PTCHD4: variants seen among roughly 807,000 people sequenced by gnomAD.
PTCHD4 encodes patched domain-containing protein 4.
Under a neutral mutation model 58.1 loss-of-function variants are expected in PTCHD4, and 33 were observed. The ratio of observed to expected loss-of-function variants is 0.57; its 90% CI spans 0.43 to 0.76. The LOEUF (loss-of-function observed/expected upper bound fraction) is 0.76. Ranked by LOEUF, PTCHD4 falls within the 30% of genes least tolerant of loss-of-function variation. PTCHD4 has a pLI of 0.00. For missense variants in PTCHD4, 1,058 were observed against 1,027.1 expected, an observed-to-expected ratio of 1.03 and a Z score of -0.41; for synonymous variants, 478 against 409.6, an observed-to-expected ratio of 1.17 and a Z score of -2.02.
At chr6:48,045,648 A>G (rs1445214634) in intron 3 of PTCHD4, among the ~76,000 whole-genome samples, 1 of 151,862 alleles carries the variant, frequency 6.6e-6, no homozygotes, top group Non-Finnish European at 1.5e-5. Context: ...TATTTCCTGT[A>G]ATTATCCCCA....
At chr6:48,105,401 T>C (rs2113917200) in intron 1 of PTCHD4, among the ~76,000 whole-genome samples, 1 of 152,146 alleles carries the variant, frequency 6.6e-6, no homozygotes, top group South Asian at 2.1e-4. Context: ...TTGAAACCAA[T>C]GAGAACAAAG....
At chr6:48,063,548 C>T (rs1764701951) in intron 3 of PTCHD4, among the ~76,000 whole-genome samples, 1 of 152,128 alleles carries the variant, frequency 6.6e-6, no homozygotes, top group Non-Finnish European at 1.5e-5. Context: ...GATTTAAATC[C>T]AAGCTCCAGC....
intron 3 of PTCHD4, among the ~76,000 whole-genome samples, chr6:48,046,897 T>C (rs1338930207): frequency 1.3e-5 from 2 of 151,856 alleles, no homozygotes; most frequent in Non-Finnish European, 2.9e-5. Context: ...GATCAGGTTA[T>C]ATTCCTAACT....
intron 4 of PTCHD4, among the ~76,000 whole-genome samples, chr6:47,897,467 GC>G (rs1764560627): frequency 6.6e-6 from 1 of 152,152 alleles, no homozygotes; most frequent in Non-Finnish European, 1.5e-5. Flanking sequence ...TTGGTCTCTG[GC>G]ATTCTGTCTC....
rs898460641 is a variant in PTCHD4, at chr6:48,098,957, C to A, written c.-970+12092G>T. 3.3e-5 allele frequency among the ~76,000 whole-genome samples: 5 copies of A among 152,126 alleles called. No individual in the cohort carries two copies. In the East Asian group the frequency reaches 7.7e-4, roughly 23 times the overall value. ...TTGTATCTTAATTTTTTTTTGAAGA[C>A]TTAAGTACCTAGACACAGATTCCTT... On this transcript the variant is annotated intron_variant, in intron 1 of 4. Coordinates refer to ENST00000339488, the MANE Select transcript of PTCHD4 (RefSeq NM_001384253.1).
intron 4 of PTCHD4, among the ~76,000 whole-genome samples, chr6:47,917,280 C>A (rs9369755): frequency 0.62 from 93,532 of 151,362 alleles, 29,819 homozygotes; most frequent in East Asian, 0.78. Context: ...TTGAAATTCC[C>A]ATGCCACAAA....
chr6:47,990,985 T>C (rs1408715798), intron 4 of PTCHD4, among the ~76,000 whole-genome samples: 1 of 152,080 alleles, frequency 6.6e-6, no homozygotes, highest in African/African-American at 2.4e-5. Flanking sequence ...TTTCACAATG[T>C]AGCACAGAGA....
chr6:47,911,581 C>G (rs549293183), intron 4 of PTCHD4, among the ~76,000 whole-genome samples: 2 of 152,180 alleles, frequency 1.3e-5, no homozygotes, highest in African/African-American at 4.8e-5. Context: ...AGGTTTTGAG[C>G]CTTGGCAACC....
intron 1 of PTCHD4, among the ~76,000 whole-genome samples, chr6:48,075,679 A>T (rs1219921657): frequency 6.6e-6 from 1 of 152,354 alleles, no homozygotes; most frequent in South Asian, 2.1e-4. Context: ...GCATATAAAA[A>T]TTATCTTTAT....
chr6:48,020,275 G>T (rs1761174441), intron 3 of PTCHD4, among the ~76,000 whole-genome samples: 1 of 151,968 alleles, frequency 6.6e-6, no homozygotes, highest in Admixed American at 6.6e-5. Context: ...TAAAAAAGAG[G>T]TTTTTCAGAT....
chr6:48,044,662 C>T (rs900530585), intron 3 of PTCHD4, among the ~76,000 whole-genome samples: 3 of 151,850 alleles, frequency 2.0e-5, no homozygotes, highest in African/African-American at 7.2e-5. Flanking sequence ...ATGCAGTTTA[C>T]TGACACTTGG....
In PTCHD4 at chr6:48,109,413, A is replaced by G. The variant is rs576794993; in HGVS notation, c.-970+1636T>C. ...ATAACCAAGTATTTATCTTAAGACG[A>G]CAAATACCGTTCATCATTTAAACAT... is the stretch of plus-strand genomic sequence containing the variant. On this transcript the variant is annotated intron_variant, in intron 1 of 4. Coordinates refer to ENST00000339488, the MANE Select transcript of PTCHD4 (RefSeq NM_001384253.1). 1.4e-4 allele frequency among the ~76,000 whole-genome samples: 21 copies of G among 152,284 alleles called. No homozygotes were observed. In the South Asian group the frequency reaches 3.1e-3, roughly 23 times the overall value.
chr6:48,068,911 C>G lies in PTCHD4; in HGVS notation c.5+42G>C, dbSNP rs547165927. The stretch of plus-strand genomic sequence containing the variant: ...GGCGCCGCGGGGCCCACCCCCTCCC[C>G]GGTCTCCCCGCGCCCTCGCCGCCTC... On this transcript the variant is annotated intron_variant, in intron 2 of 4. Coordinates refer to ENST00000339488, the MANE Select transcript of PTCHD4 (RefSeq NM_001384253.1). The surrounding 1 kb of genome is among the most constrained non-coding windows in gnomAD (Gnocchi z 4.2). Among the ~76,000 whole-genome samples the G allele has an allele frequency of 1.1e-4, 16 of 151,796 alleles. No individual in the cohort carries two copies. Among genetic ancestry groups the G allele is most frequent in the Admixed American group, 1.0e-3 (16 of 15,264 alleles).
chr6:47,932,196 T>C (rs1765846707), intron 4 of PTCHD4, among the ~76,000 whole-genome samples: 1 of 152,202 alleles, frequency 6.6e-6, no homozygotes, highest in Non-Finnish European at 1.5e-5. Flanking sequence ...CCGCCTTCAC[T>C]ATCCAGGAGA....
chr6:47,963,712 C>G (rs763185117), intron 4 of PTCHD4, among the ~76,000 whole-genome samples: 2 of 152,016 alleles, frequency 1.3e-5, no homozygotes, highest in Admixed American at 6.6e-5. Flanking sequence ...AGAACATTAT[C>G]TAAATGAAAT....
In PTCHD4 at chr6:48,009,069, C is replaced by G. The variant is rs1302757573; in HGVS notation, c.463G>C (p.Glu155Gln). 1.2e-6 allele frequency: 2 copies of G among 1,613,604 alleles called. No homozygotes were observed. Among genetic ancestry groups the G allele is most frequent in the Non-Finnish European group, 1.7e-6 (2 of 1,179,792 alleles). The change falls in exon 4 of 5, where the codon GAA (glutamate) becomes CAA (glutamine). Residue 155 changes from glutamate (E) to glutamine (Q), a missense_variant. Physicochemically the swap from Glu to Gln is conservative, Grantham distance 29 (BLOSUM62 2). Transcript: ENST00000339488. The stretch of plus-strand genomic sequence containing the variant: ...CGCTGATCTTTGCTGTTTGGCACTT[C>G]CACTACCCCGCCCAGTTGGTGTCCA... ...FIGHQLGGVVEVPNSKDQRVK... is the reference protein window; with the variant it reads ...FIGHQLGGVVQVPNSKDQRVK...
At chr6:48,013,375 G>GTTTTTTT (rs5876042) in intron 3 of PTCHD4, among the ~76,000 whole-genome samples, 1 of 145,370 alleles carries the variant, frequency 6.9e-6, no homozygotes, top group African/African-American at 2.5e-5. Context: ...TTTCAGTTGA[G>GTTTTTTT]TTTTTTTTTT....
intron 1 of PTCHD4, among the ~76,000 whole-genome samples, chr6:48,101,921 T>A (rs1270962264): frequency 6.6e-6 from 1 of 152,184 alleles, no homozygotes; most frequent in African/African-American, 2.4e-5. Context: ...TGCCTCTCTA[T>A]GAAGGTCTGG....
At chr6:47,894,076 C>T (rs562654178) in intron 4 of PTCHD4, among the ~76,000 whole-genome samples, 158 of 152,304 alleles carry the variant, frequency 1.0e-3, no homozygotes, top group Non-Finnish European at 1.6e-3. Context: ...TGCTGGGCAG[C>T]CAGCTGAGTT....
Sources: allele counts gnomAD v4.1 joint callset (sites outside exome capture counted in the v4.1 genomes callset), GRCh38; gene constraint gnomAD v4.1.1; non-coding constraint Gnocchi (gnomAD v3.1); transcripts MANE v1.5; gene names NCBI Gene and HGNC (gene_info 2026-07-23, HGNC 2026-07-21).